TMEM117: variants seen among roughly 807,000 people sequenced by gnomAD.
The protein encoded by TMEM117 is transmembrane protein 117.
In TMEM117, 27 loss-of-function variants were observed where a neutral mutation model predicts 52.4. The ratio of observed to expected loss-of-function variants is 0.51; its 90% CI spans 0.38 to 0.71. TMEM117 has a LOEUF of 0.71. Among genes scored for constraint, TMEM117 ranks in the 30% least tolerant of loss-of-function variants. The pLI, the probability that TMEM117 is intolerant of heterozygous loss-of-function variation, is 0.00. For missense variants in TMEM117, 556 were observed against 630.5 expected, an observed-to-expected ratio of 0.88 and a Z score of 1.26; for synonymous variants, 215 against 206.3, an observed-to-expected ratio of 1.04 and a Z score of -0.36.
rs1048429366 is a variant in TMEM117 at position 43,863,169 on chromosome 12, C to A, written c.277+18241C>A. On this transcript the variant is annotated intron_variant, in intron 2 of 7. Transcript: ENST00000266534. ...CCTGAGGCACAAGAATTGCTTGAAC[C>A]CGGGAAGCAGAGGTTGCAGTGAGCC... Among the ~76,000 whole-genome samples the A allele has an allele frequency of 2.0e-5, 3 of 152,022 alleles. No homozygotes were observed. The East Asian group carries it at 5.8e-4, about 29-fold the overall frequency.
intron 6 of TMEM117, among the ~76,000 whole-genome samples, chr12:44,365,033 G>A (rs1951771294): frequency 2.0e-5 from 3 of 151,970 alleles, no homozygotes; most frequent in South Asian, 4.2e-4. Context: ...ATCTCCTCAG[G>A]TGAGAAAAGC....
intron 2 of TMEM117, among the ~76,000 whole-genome samples, chr12:43,927,608 A>C (rs538493754): frequency 6.6e-6 from 1 of 151,822 alleles, no homozygotes; most frequent in African/African-American, 2.4e-5. Flanking sequence ...TCATTGATCA[A>C]TTTTAAAATC....
Position 43,850,422 on chromosome 12 carries a change from T to G in TMEM117, c.277+5494T>G, listed in dbSNP as rs76737056. Among the ~76,000 whole-genome samples the G allele has an allele frequency of 8.7e-3, 1,330 of 152,360 alleles. 38 individuals are homozygous for G. Among genetic ancestry groups the G allele is most frequent in the East Asian group, 0.067 (346 of 5,192 alleles). The stretch of plus-strand genomic sequence containing the variant: ...TACTTCTTCCTCACTCCAAACCTGA[T>G]CTTTCACATTCCACATACTGCAGGG... On this transcript the variant is annotated intron_variant, in intron 2 of 7. Transcript: ENST00000266534.
chr12:44,022,363 T>C (rs1459160074), intron 3 of TMEM117, among the ~76,000 whole-genome samples: 1 of 152,184 alleles, frequency 6.6e-6, no homozygotes, highest in Non-Finnish European at 1.5e-5. Context: ...GAGTGAACTC[T>C]CCTTTGAAAT....
intron 3 of TMEM117, among the ~76,000 whole-genome samples, chr12:44,071,471 G>A (rs907361434): frequency 6.6e-6 from 1 of 152,202 alleles, no homozygotes; most frequent in East Asian, 1.9e-4. Flanking sequence ...CTATGAAGCT[G>A]CAAATGTAAA....
At chr12:44,058,887 T>TA (rs1947097159) in intron 3 of TMEM117, among the ~76,000 whole-genome samples, 1 of 152,198 alleles carries the variant, frequency 6.6e-6, no homozygotes, top group Admixed American at 6.5e-5. Context: ...CAAAGGTATC[T>TA]ATAGCAGTGG....
At chr12:44,127,723 T>C (rs1182894479) in intron 3 of TMEM117, among the ~76,000 whole-genome samples, 1 of 151,700 alleles carries the variant, frequency 6.6e-6, no homozygotes, top group Non-Finnish European at 1.5e-5. Flanking sequence ...ATAATGTGGG[T>C]GGGCCTTAGC....
chr12:44,203,488 C>T (rs1949524596), intron 4 of TMEM117, among the ~76,000 whole-genome samples: 1 of 152,044 alleles, frequency 6.6e-6, no homozygotes, highest in African/African-American at 2.4e-5. Context: ...CTCATTTCTC[C>T]TGCTAGCTTT....
At chr12:43,983,632 A>G (rs1177952591) in intron 3 of TMEM117, among the ~76,000 whole-genome samples, 1 of 148,366 alleles carries the variant, frequency 6.7e-6, no homozygotes, top group Non-Finnish European at 1.5e-5. Context: ...TCAACATAGT[A>G]TGAGGATTTA....
intron 3 of TMEM117, among the ~76,000 whole-genome samples, chr12:44,048,056 T>C (rs1457017089): frequency 6.6e-6 from 1 of 152,152 alleles, no homozygotes. Context: ...ATAAAATTAT[T>C]AAAACTATTG....
intron 2 of TMEM117, among the ~76,000 whole-genome samples, chr12:43,857,093 T>C (rs544624929): frequency 7.2e-5 from 11 of 152,296 alleles, no homozygotes; most frequent in African/African-American, 2.4e-4. Context: ...GCTTATTAGG[T>C]GCCTTCATTA....
At chr12:44,020,783 G>A (rs751053888) in intron 3 of TMEM117, among the ~76,000 whole-genome samples, 4 of 152,092 alleles carry the variant, frequency 2.6e-5, no homozygotes, top group Non-Finnish European at 4.4e-5. Context: ...CAATCTACAC[G>A]TCATTTGGAG....
At chr12:44,116,796 T>C (rs1489580564) in intron 3 of TMEM117, among the ~76,000 whole-genome samples, 4 of 152,226 alleles carry the variant, frequency 2.6e-5, no homozygotes, top group Non-Finnish European at 5.9e-5. Context: ...CTACAAATTC[T>C]ATTGGTTCTC....
intron 5 of TMEM117, among the ~76,000 whole-genome samples, chr12:44,248,103 A>T (rs1447731721): frequency 1.3e-5 from 2 of 152,100 alleles, no homozygotes; most frequent in Non-Finnish European, 2.9e-5. Context: ...GGGAGACAGG[A>T]TCACAGGGTT....
At chr12:44,081,119 A>G (rs1025305879) in intron 3 of TMEM117, among the ~76,000 whole-genome samples, 1 of 152,228 alleles carries the variant, frequency 6.6e-6, no homozygotes, top group Admixed American at 6.5e-5. Context: ...TTTGCATGAC[A>G]TGAAATAGGT....
At chr12:44,012,412 T>C (rs1197795929) in intron 3 of TMEM117, among the ~76,000 whole-genome samples, 1 of 151,546 alleles carries the variant, frequency 6.6e-6, no homozygotes, top group Admixed American at 6.6e-5. Flanking sequence ...TTTTTTTCTG[T>C]TGCTTCTTTT....
In TMEM117 at chr12:44,380,494, C is replaced by G. The variant is rs548327941; in HGVS notation, c.898+3770C>G. On this transcript the variant is annotated intron_variant, in intron 7 of 7. Transcript: ENST00000266534. ...CCATGTCCCTATGATTTAGAAAAGA[C>G]ATCCAGCATACACTGAAGCAATGGA... Among the ~76,000 whole-genome samples the G allele has an allele frequency of 2.4e-3, 365 of 152,278 alleles. 4 individuals carry two copies. In the South Asian group the frequency reaches 0.038, roughly 16 times the overall value.
chr12:44,094,990 CTAAT>C (rs1947734121), intron 3 of TMEM117, among the ~76,000 whole-genome samples: 1 of 152,058 alleles, frequency 6.6e-6, no homozygotes, highest in African/African-American at 2.4e-5. Flanking sequence ...TCCTACCAGA[CTAAT>C]TAGTTAAAAT....
intron 3 of TMEM117, among the ~76,000 whole-genome samples, chr12:44,099,577 A>C (rs1293976746): frequency 1.3e-5 from 2 of 152,036 alleles, no homozygotes; most frequent in Non-Finnish European, 2.9e-5. Context: ...TTGTTTTCAG[A>C]TAAAATATAA....
Sources: allele counts gnomAD v4.1 joint callset (sites outside exome capture counted in the v4.1 genomes callset), GRCh38; gene constraint gnomAD v4.1.1; transcripts MANE v1.5; gene names NCBI Gene and HGNC (gene_info 2026-07-23, HGNC 2026-07-21).